Variants in MIS18A observed in about 807,000 individuals in gnomAD.
The protein encoded by MIS18A is MIS18 kinetochore protein A, also known as protein Mis18-alpha.
A neutral mutation model predicts 25.0 loss-of-function variants in MIS18A; 14 were observed. The ratio of observed to expected loss-of-function variants is 0.56; its 90% confidence interval spans 0.37 to 0.88. MIS18A has a LOEUF of 0.88. Ranked by LOEUF, MIS18A falls within the 40% of genes least tolerant of loss-of-function variation. The pLI is 0.00. For synonymous variants in MIS18A, 134 were observed against 118.6 expected (o/e 1.13, Z -0.84); for missense variants, 292 against 290.8 (o/e 1.00, Z -0.03).
chr21:32,255,618 G>C, the MIS18A span, among the ~76,000 whole-genome samples: 4,599 of 150,576 alleles, frequency 0.031, 113 homozygotes, highest in South Asian at 0.064. Flanking sequence ...GGCCAGGCGC[G>C]GTGGCTCACG....
chr21:32,223,296 T>C, the MIS18A span, among the ~76,000 whole-genome samples: 46 of 149,388 alleles, frequency 3.1e-4, no homozygotes, highest in African/African-American at 3.0e-4. Flanking sequence ...CTGAAGGAGA[T>C]AGAGACACAA....
downstream of MIS18A, among the ~76,000 whole-genome samples, chr21:32,263,304 C>A (rs1181656618): frequency 6.6e-6 from 1 of 152,142 alleles, no homozygotes; most frequent in Non-Finnish European, 1.5e-5. Flanking sequence ...TCCCTAAAGT[C>A]TTAGAATGAG....
chr21:32,159,621 G>C, the MIS18A span, among the ~76,000 whole-genome samples: 7,288 of 152,334 alleles, frequency 0.048, 312 homozygotes, highest in African/African-American at 0.11. Context: ...CGGGGCCTGA[G>C]AACATGTACC....
chr21:32,203,438 A>G, the MIS18A span, among the ~76,000 whole-genome samples: 22,541 of 151,002 alleles, frequency 0.15, 1,799 homozygotes, highest in East Asian at 0.24. Context: ...ATCAGTTTAC[A>G]TGCTAAGGGG....
chr21:32,207,854 C>T, the MIS18A span, among the ~76,000 whole-genome samples: 3 of 152,138 alleles, frequency 2.0e-5, no homozygotes, highest in Admixed American at 1.3e-4. Flanking sequence ...CTCCTGGGCC[C>T]GGGGTCTACT....
the MIS18A span, among the ~76,000 whole-genome samples, chr21:32,165,578 T>G: frequency 6.6e-6 from 1 of 150,860 alleles, no homozygotes; most frequent in South Asian, 2.1e-4. Context: ...TCACTGTTCT[T>G]CATGAACACC....
At chr21:32,208,364 A>G in the MIS18A span, among the ~76,000 whole-genome samples, 3 of 152,144 alleles carry the variant, frequency 2.0e-5, no homozygotes, top group Non-Finnish European at 4.4e-5. Flanking sequence ...TCTCAGGACA[A>G]TGAGTGAGTT....
chr21:32,175,576 G>A, the MIS18A span, among the ~76,000 whole-genome samples: 1 of 151,162 alleles, frequency 6.6e-6, no homozygotes, highest in Non-Finnish European at 1.5e-5. Flanking sequence ...TTGGGAGGTC[G>A]AGGTGGGTGG....
At chr21:32,192,030 A>T in the MIS18A span, among the ~76,000 whole-genome samples, 2 of 152,158 alleles carry the variant, frequency 1.3e-5, no homozygotes, top group Non-Finnish European at 2.9e-5. Flanking sequence ...ATGTTTGGAG[A>T]CAGAGTAGAA....
rs973853678 is a variant in MIS18A at position 32,270,962 on chromosome 21, G to A, written c.402-433C>T. On this transcript the variant is annotated intron_variant, in intron 2 of 4. Coordinates refer to ENST00000290130, the MANE Select transcript of MIS18A (RefSeq NM_018944.3). ...CCAATAAACTCGTATTCACAAATGG[G>A]TGCCCGCCCCATGGGCCATAGTTTA... Among the ~76,000 whole-genome samples the A allele has an allele frequency of 3.3e-5, 5 of 152,102 alleles. No individual in the cohort carries two copies. In the East Asian group the frequency reaches 7.7e-4, roughly 23 times the overall value.
chr21:32,208,784 T>C, the MIS18A span, among the ~76,000 whole-genome samples: 1 of 152,216 alleles, frequency 6.6e-6, no homozygotes, highest in South Asian at 2.1e-4. Flanking sequence ...GATGTCATCC[T>C]ATGTCACCTC....
chr21:32,274,115 C>T (rs115876412), intron 2 of MIS18A, among the ~76,000 whole-genome samples: 249 of 151,632 alleles, frequency 1.6e-3, no homozygotes, highest in African/African-American at 5.8e-3. Context: ...ATGTGTGTGC[C>T]ATAACATGAG....
At chr21:32,271,874 T>C (rs1228790130) in intron 2 of MIS18A, among the ~76,000 whole-genome samples, 1 of 152,158 alleles carries the variant, frequency 6.6e-6, no homozygotes, top group Admixed American at 6.5e-5. Flanking sequence ...CCTCACACCA[T>C]TACCAAGACT....
intron 2 of MIS18A, among the ~76,000 whole-genome samples, chr21:32,274,181 G>A (rs929964495): frequency 2.7e-5 from 4 of 148,404 alleles, no homozygotes; most frequent in Admixed American, 2.0e-4. Context: ...TTATAATATA[G>A]GTATTTCCTT....
chr21:32,262,026 A>C, the MIS18A span, among the ~76,000 whole-genome samples: 1 of 152,274 alleles, frequency 6.6e-6, no homozygotes, highest in Non-Finnish European at 1.5e-5. Flanking sequence ...CTAAAAAACA[A>C]GCTCAGAGTG....
chr21:32,277,165 T>C (rs2031828839), intron 1 of MIS18A, among the ~76,000 whole-genome samples: 1 of 152,214 alleles, frequency 6.6e-6, no homozygotes, highest in African/African-American at 2.4e-5. Context: ...TCCTATTATC[T>C]AAATCTGATA....
At chr21:32,183,763 G>A in the MIS18A span, among the ~76,000 whole-genome samples, 4 of 152,180 alleles carry the variant, frequency 2.6e-5, no homozygotes, top group South Asian at 8.3e-4. Context: ...ACCATGTATA[G>A]AGATTTGCCT....
chr21:32,155,943 A>C, the MIS18A span, among the ~76,000 whole-genome samples: 1 of 110,292 alleles, frequency 9.1e-6, no homozygotes, highest in South Asian at 3.5e-4. Flanking sequence ...CAGTGTCACC[A>C]ATTGTTAGGA....
chr21:32,221,920 G>T, the MIS18A span, among the ~76,000 whole-genome samples: 1 of 151,792 alleles, frequency 6.6e-6, no homozygotes, highest in Non-Finnish European at 1.5e-5. Context: ...CATAATGACA[G>T]AATCAAATTC....
Sources: allele counts gnomAD v4.1 joint callset (sites outside exome capture counted in the v4.1 genomes callset), GRCh38; gene constraint gnomAD v4.1.1; transcripts MANE v1.5; gene names NCBI Gene and HGNC (gene_info 2026-07-23, HGNC 2026-07-21).